Variants in NLK observed in about 807,000 individuals in gnomAD.
The protein encoded by NLK is nemo like kinase.
In NLK, 11 loss-of-function variants were observed where a neutral mutation model predicts 59.0. The ratio of observed to expected loss-of-function variants is 0.19; its 90% CI spans 0.12 to 0.31. NLK has a LOEUF of 0.31. NLK is among the 10% of genes least tolerant of loss of function. The pLI is 1.00. For missense variants in NLK, 410 were observed against 661.1 expected (o/e 0.62, Z 4.16); for synonymous variants, 235 against 235.9 (o/e 1.00, Z 0.03).
chr17:28,086,001 C>G (rs1567709978), intron 1 of NLK, among the ~76,000 whole-genome samples: 1 of 152,130 alleles, frequency 6.6e-6, no homozygotes, highest in Admixed American at 6.5e-5. Flanking sequence ...ACAAAAATCA[C>G]CTAATGACGC....
chr17:28,067,000 C>CT (rs2092906018), intron 1 of NLK, among the ~76,000 whole-genome samples: 1 of 152,148 alleles, frequency 6.6e-6, no homozygotes, highest in African/African-American at 2.4e-5. Flanking sequence ...TATAAATCCT[C>CT]TTTCAGATAC....
chr17:28,170,827 G>T (rs972562212), intron 6 of NLK, among the ~76,000 whole-genome samples: 2 of 152,202 alleles, frequency 1.3e-5, no homozygotes, highest in African/African-American at 4.8e-5. Flanking sequence ...ATATCCCTTT[G>T]CTAGAGAAAT....
intron 1 of NLK, among the ~76,000 whole-genome samples, chr17:28,113,950 C>A (rs1355419581): frequency 6.6e-6 from 1 of 151,904 alleles, no homozygotes; most frequent in Non-Finnish European, 1.5e-5. Flanking sequence ...TTTAACTTTG[C>A]CTTTTTTTTT....
rs151261780 is a variant in NLK at position 28,102,160 on chromosome 17, T to G, written c.459-20443T>G. Among the ~76,000 whole-genome samples, 314 of 152,300 alleles carry G rather than the reference T, an allele frequency of 2.1e-3. 1 individual carries two copies. The highest frequency in any genetic ancestry group is 3.7e-3 in the Admixed American group (56 of 15,296). ...ATAGTGAGGTTTGGGTTTACCATTT[T>G]GTTGTTGTTGTTTTCTATTGTTGCC... is the stretch of plus-strand genomic sequence containing the variant. On this transcript the variant is annotated intron_variant, in intron 1 of 10. Coordinates refer to ENST00000407008, the MANE Select transcript of NLK (RefSeq NM_016231.5).
intron 1 of NLK, among the ~76,000 whole-genome samples, chr17:28,115,704 C>T (rs1160144888): frequency 6.6e-6 from 1 of 152,064 alleles, no homozygotes; most frequent in Non-Finnish European, 1.5e-5. Flanking sequence ...GACAATTTTA[C>T]AATGTTGAGT....
chr17:28,100,575 A>G (rs1163488684), intron 1 of NLK, among the ~76,000 whole-genome samples: 2 of 152,158 alleles, frequency 1.3e-5, no homozygotes, highest in Non-Finnish European at 2.9e-5. Context: ...ACCTTCCCTC[A>G]GTTTTAATTG....
chr17:28,135,632 C>T (rs938985905), intron 3 of NLK, among the ~76,000 whole-genome samples: 2 of 152,194 alleles, frequency 1.3e-5, no homozygotes, highest in Admixed American at 1.3e-4. Flanking sequence ...CCCAGGTCTG[C>T]TGAGTTAACC....
Position 28,042,792 on chromosome 17 carries a change from G to A in NLK, c.-82G>A, listed in dbSNP as rs1460264270. On this transcript the variant is annotated 5_prime_UTR_variant, in exon 1 of 11. It adds an upstream start codon to the 5' untranslated region. Coordinates refer to ENST00000407008, the MANE Select transcript of NLK (RefSeq NM_016231.5). ...AAAGCTCTATGTTTTTTGAGGTGGA[G>A]TGAGTGGTTTTTCTTCATTTTTAAA... 2 of 1,223,914 alleles carry A rather than the reference G, an allele frequency of 1.6e-6. No individual in the cohort carries two copies. The highest frequency in any genetic ancestry group is 1.5e-5 in the African/African-American group (1 of 65,582). The allele number at this position is 1,223,914 out of a possible 1,614,324, so 75.8% of individuals were successfully genotyped here. A position where few individuals can be genotyped will look rare whatever the true frequency, so the allele number is the denominator to read the frequency against.
chr17:28,142,815 T>C (rs990506370), intron 3 of NLK, among the ~76,000 whole-genome samples: 1 of 152,168 alleles, frequency 6.6e-6, no homozygotes, highest in East Asian at 1.9e-4. Context: ...ATTTCAGAAT[T>C]TGTGCTTAAG....
chr17:28,156,454 T>C (rs1055249951), intron 3 of NLK, among the ~76,000 whole-genome samples: 8 of 152,180 alleles, frequency 5.3e-5, no homozygotes, highest in Non-Finnish European at 7.3e-5. Flanking sequence ...AGAGTCACTT[T>C]TTGAATAAGG....
chr17:28,051,233 T>C (rs1909241954), intron 1 of NLK, among the ~76,000 whole-genome samples: 1 of 152,210 alleles, frequency 6.6e-6, no homozygotes, highest in Admixed American at 6.5e-5. Flanking sequence ...CAGTATTACT[T>C]TTTACAATTT....
intron 1 of NLK, among the ~76,000 whole-genome samples, chr17:28,111,867 TGTGTGTGTGTGTGTGTGTGTGTGTGTGTG>T (rs1290055221): frequency 2.4e-4 from 29 of 118,390 alleles, no homozygotes; most frequent in East Asian, 1.8e-3. Flanking sequence ...ATACCGTGTG[TGTGTGTGTGTGTGTGTGTGTGTGTGTGTG>T]GTGTGTGTGT....
At chr17:28,043,356 C>T in intron 1 of NLK, 25 bp downstream of exon 1, 1 of 1,498,290 alleles carries the variant, frequency 6.7e-7, no homozygotes, top group East Asian at 2.3e-5. Context: ...AAAAACACAA[C>T]CTCTCATGGT....
intron 1 of NLK, among the ~76,000 whole-genome samples, chr17:28,083,991 A>G (rs1225252992): frequency 6.6e-6 from 1 of 152,144 alleles, no homozygotes; most frequent in Admixed American, 6.5e-5. Context: ...ACAATTATGA[A>G]AGGAATGAGC....
chr17:28,048,387 A>G (rs1909134473), intron 1 of NLK: 2 of 156,412 alleles, frequency 1.3e-5, no homozygotes, highest in African/African-American at 4.8e-5. Flanking sequence ...TTAGAAAAAA[A>G]GACAGTTTTT....
chr17:28,114,918 A>G (rs1905695931), intron 1 of NLK, among the ~76,000 whole-genome samples: 1 of 152,242 alleles, frequency 6.6e-6, no homozygotes, highest in Non-Finnish European at 1.5e-5. Flanking sequence ...GTAGATAACT[A>G]AAAATGCAAG....
chr17:28,204,795 A>G, the NLK span, among the ~76,000 whole-genome samples: 1 of 152,346 alleles, frequency 6.6e-6, no homozygotes, highest in East Asian at 1.9e-4. Flanking sequence ...GGCTGGATAT[A>G]TTTATTAACA....
chr17:28,132,985 G>A (rs902010477), intron 3 of NLK, among the ~76,000 whole-genome samples: 5 of 152,184 alleles, frequency 3.3e-5, no homozygotes, highest in Admixed American at 6.5e-5. Flanking sequence ...TGTTGTAGTA[G>A]AACCCAGGAA....
intron 1 of NLK, among the ~76,000 whole-genome samples, chr17:28,044,634 T>C (rs1206140377): frequency 1.3e-5 from 2 of 152,208 alleles, no homozygotes; most frequent in Non-Finnish European, 2.9e-5. Context: ...GTCATTCTGC[T>C]CAGGGACCTG....
Sources: gnomAD v4.1 joint callset for allele counts (sites outside exome capture counted in the v4.1 genomes callset) on GRCh38, gnomAD v4.1.1 for gene constraint, MANE v1.5 for transcripts, NCBI Gene and HGNC (gene_info 2026-07-23, HGNC 2026-07-21) for gene names.